PHF21B: variants seen among roughly 807,000 people sequenced by gnomAD.
PHF21B encodes PHD finger protein 21B, also known as PHD finger protein 4.
In PHF21B, 22 loss-of-function variants were observed where a neutral mutation model predicts 62.2. The ratio of observed to expected loss-of-function variants is 0.35; its 90% CI spans 0.25 to 0.51. PHF21B has a LOEUF of 0.51. Ranked by LOEUF, PHF21B falls within the 20% of genes least tolerant of loss-of-function variation. The pLI, the probability that PHF21B is intolerant of heterozygous loss-of-function variation, is 0.97. For missense variants in PHF21B, 701 were observed against 707.9 expected (o/e 0.99, Z 0.11); for synonymous variants, 341 against 314.7 (o/e 1.08, Z -0.88).
chr22:44,942,711 C>T (rs1275373764), intron 2 of PHF21B, among the ~76,000 whole-genome samples: 10 of 152,282 alleles, frequency 6.6e-5, no homozygotes, highest in East Asian at 1.9e-4. Flanking sequence ...TGAGGCCCAG[C>T]GCACGAGCTG....
chr22:44,978,353 T>TTTTTGTTTG (rs1211600103), intron 2 of PHF21B, among the ~76,000 whole-genome samples: 1 of 152,084 alleles, frequency 6.6e-6, no homozygotes, highest in African/African-American at 2.4e-5. Context: ...TGTGATTTTG[T>TTTTTGTTTG]TTTTGTTTGT....
At position 45,009,689 on chromosome 22, in the gene PHF21B, G is replaced by C. The variant is rs1457132842; in HGVS notation, c.-140C>G. The stretch of plus-strand genomic sequence containing the variant: ...GGGGGACACGAGCCCCCTCCCCCAC[G>C]GCCGAAAGGGAAGGGGGCTGGCGAA... On this transcript the variant is annotated 5_prime_UTR_variant, in exon 1 of 13. Coordinates refer to ENST00000313237, the MANE Select transcript of PHF21B (RefSeq NM_138415.5). This position sits in a 1 kb window ranked among gnomAD's most constrained non-coding sequence, Gnocchi z 5.9. The C allele has an allele frequency of 2.6e-6, 2 of 754,890 alleles. No individual in the cohort carries two copies. Among genetic ancestry groups the C allele is most frequent in the Non-Finnish European group, 3.9e-6 (2 of 512,894 alleles). The allele number at this position is 754,890 out of a possible 1,614,324, so 46.8% of individuals were successfully genotyped here.
At chr22:44,938,947 G>C (rs1322324429) in intron 2 of PHF21B, among the ~76,000 whole-genome samples, 1 of 152,202 alleles carries the variant, frequency 6.6e-6, no homozygotes, top group Non-Finnish European at 1.5e-5. Context: ...CTGCAGAAAA[G>C]CAGGAGCTGG....
chr22:44,937,637 C>A (rs144680005), intron 2 of PHF21B, among the ~76,000 whole-genome samples: 1 of 152,234 alleles, frequency 6.6e-6, no homozygotes, highest in African/African-American at 2.4e-5. Context: ...CATGAAAATT[C>A]GGAGCAGCTT....
Position 44,882,925 on chromosome 22 carries a change from G to T in PHF21B, c.*161C>A. On this transcript the variant is annotated 3_prime_UTR_variant, in exon 13 of 13. Coordinates refer to ENST00000313237, the MANE Select transcript of PHF21B (RefSeq NM_138415.5). ...AGGGCCGCACCCCCACCTGGTCCTG[G>T]CTCTAGGCCTCTCGCCCAGCTCTTC... 1.1e-6 allele frequency: 1 copy of T among 878,312 alleles called. No homozygotes were observed. Among genetic ancestry groups the T allele is most frequent in the Non-Finnish European group, 1.7e-6 (1 of 588,394 alleles). The allele number at this position is 878,312 out of a possible 1,614,324, so 54.4% of individuals were successfully genotyped here. A position where few individuals can be genotyped will look rare whatever the true frequency, so the allele number is the denominator to read the frequency against.
At chr22:44,886,147 C>G (rs1331625927) in intron 10 of PHF21B, among the ~76,000 whole-genome samples, 1 of 152,092 alleles carries the variant, frequency 6.6e-6, no homozygotes. Context: ...TGGGCCTCTC[C>G]CCTGCTCATC....
chr22:44,916,843 G>T (rs2071444826), intron 3 of PHF21B, among the ~76,000 whole-genome samples: 1 of 152,226 alleles, frequency 6.6e-6, no homozygotes, highest in Non-Finnish European at 1.5e-5. Context: ...GCTCAGGAGG[G>T]GCTGCTCTGG....
chr22:44,924,078 AAG>A (rs2071587572), intron 2 of PHF21B, among the ~76,000 whole-genome samples: 1 of 58,328 alleles, frequency 1.7e-5, no homozygotes. Context: ...GAGGGGAGGG[AAG>A]AGGGGAGGAA....
In PHF21B at chr22:44,882,928, C is replaced by G. The variant is rs2070764146; in HGVS notation, c.*158G>C. ...GCCGCACCCCCACCTGGTCCTGGCT[C>G]TAGGCCTCTCGCCCAGCTCTTCCTC... On this transcript the variant is annotated 3_prime_UTR_variant, in exon 13 of 13. Transcript: ENST00000313237. 2 of 910,320 alleles carry G rather than the reference C, an allele frequency of 2.2e-6. No homozygotes were observed. Among genetic ancestry groups the G allele is most frequent in the South Asian group, 3.4e-5 (2 of 58,292 alleles). The allele number at this position is 910,320 out of a possible 1,614,324, so 56.4% of individuals were successfully genotyped here.
intron 4 of PHF21B, among the ~76,000 whole-genome samples, chr22:44,914,805 T>C (rs1375145524): frequency 6.6e-6 from 1 of 152,082 alleles, no homozygotes; most frequent in East Asian, 1.9e-4. Flanking sequence ...GATGAAACGG[T>C]GTGATGCTGA....
chr22:44,978,442 C>G (rs2072778523), intron 2 of PHF21B, among the ~76,000 whole-genome samples: 1 of 152,226 alleles, frequency 6.6e-6, no homozygotes, highest in South Asian at 2.1e-4. Flanking sequence ...TCACTGCCAC[C>G]TCCGCTTCCC....
At chr22:44,901,663 AG>A in intron 5 of PHF21B, 4 of 518,262 alleles carry the variant, frequency 7.7e-6, no homozygotes, top group South Asian at 4.2e-5. Context: ...CAAGGTGAAA[AG>A]GGGGAACCTC....
rs183521335 is a variant in PHF21B, at chr22:44,968,238, T to C, written c.120+40307A>G. Reference sequence around the variant, plus strand: ...GAAACTCTTCTGCATGGAAGATTTGTCTCGTCTTTATTCATTTATTGAATC... The same window carrying C: ...GAAACTCTTCTGCATGGAAGATTTGCCTCGTCTTTATTCATTTATTGAATC... On this transcript the variant is annotated intron_variant, in intron 2 of 12. Transcript: ENST00000313237. 5.9e-5 allele frequency among the ~76,000 whole-genome samples: 9 copies of C among 152,294 alleles called. No homozygotes were observed. In the East Asian group the frequency reaches 1.5e-3, roughly 26 times the overall value.
intron 3 of PHF21B, among the ~76,000 whole-genome samples, chr22:44,917,478 T>G (rs1344211440): frequency 6.6e-6 from 1 of 152,054 alleles, no homozygotes; most frequent in Non-Finnish European, 1.5e-5. Context: ...ATGCCCCAGA[T>G]GAGGACACAC....
chr22:44,988,635 C>T (rs1276267676), intron 2 of PHF21B, among the ~76,000 whole-genome samples: 2 of 152,082 alleles, frequency 1.3e-5, no homozygotes, highest in African/African-American at 2.4e-5. Context: ...TGCTAGAACC[C>T]AAGAACCAAA....
intron 2 of PHF21B, among the ~76,000 whole-genome samples, chr22:44,997,041 C>A (rs1569282445): frequency 6.6e-6 from 1 of 152,218 alleles, no homozygotes; most frequent in Non-Finnish European, 1.5e-5. Context: ...GTCTCCCCCC[C>A]GAGTCTCTGA....
In PHF21B at chr22:45,009,490, A is replaced by C. The variant is rs1366025662; in HGVS notation, c.54+6T>G. On this transcript the variant is annotated splice_donor_region_variant and intron_variant, in intron 1 of 12. Transcript: ENST00000313237. The surrounding 1 kb of genome is among the most constrained non-coding windows in gnomAD (Gnocchi z 5.9). ...CCGGCCCCGGGCCCGGCCCCCGGCC[A>C]CCTACCTGGTGGCGCGCGAGTTCCA... is the stretch of plus-strand genomic sequence containing the variant. 1.3e-6 allele frequency: 2 copies of C among 1,541,832 alleles called. No individual in the cohort carries two copies. Among genetic ancestry groups the C allele is most frequent in the South Asian group, 2.4e-5 (2 of 84,310 alleles).
intron 3 of PHF21B, among the ~76,000 whole-genome samples, chr22:44,916,969 A>G (rs1473745771): frequency 6.6e-6 from 1 of 152,248 alleles, no homozygotes; most frequent in Non-Finnish European, 1.5e-5. Flanking sequence ...CTGCAGATCA[A>G]GTCCCAAGCG....
chr22:44,912,645 T>C (rs2071362243), intron 5 of PHF21B, among the ~76,000 whole-genome samples: 1 of 151,950 alleles, frequency 6.6e-6, no homozygotes, highest in Non-Finnish European at 1.5e-5. Flanking sequence ...CTCTTTCCTT[T>C]GTAAATTGCC....
Sources: allele counts gnomAD v4.1 joint callset (sites outside exome capture counted in the v4.1 genomes callset), GRCh38; gene constraint gnomAD v4.1.1; non-coding constraint Gnocchi (gnomAD v3.1); transcripts MANE v1.5; gene names NCBI Gene and HGNC (gene_info 2026-07-23, HGNC 2026-07-21).